Variants in SPEF2 observed in about 807,000 individuals in gnomAD.
SPEF2 encodes the protein sperm flagellar and cilia associated 2.
A neutral mutation model predicts 224.6 loss-of-function variants in SPEF2; 187 were observed. The observed-to-expected ratio is 0.83, with a 90% CI of 0.74 to 0.94. SPEF2 has a LOEUF of 0.94. SPEF2 is among the 40% of genes least tolerant of loss of function. The pLI is 0.00. For missense variants in SPEF2, 2,170 were observed against 2,135.6 expected (o/e 1.02, Z -0.32); for synonymous variants, 715 against 707.3 (o/e 1.01, Z -0.17).
At chr5:35,679,087 A>G (rs1752414966) in intron 10 of SPEF2, among the ~76,000 whole-genome samples, 1 of 152,206 alleles carries the variant, frequency 6.6e-6, no homozygotes, top group South Asian at 2.1e-4. Context: ...CTACTTTCCC[A>G]TGGAGTATGG....
intron 2 of SPEF2, among the ~76,000 whole-genome samples, chr5:35,633,969 C>T (rs1745481268): frequency 6.6e-6 from 1 of 152,060 alleles, no homozygotes; most frequent in Non-Finnish European, 1.5e-5. Flanking sequence ...CTACCAATTA[C>T]ATCTTAAGCC....
At chr5:35,675,390 A>C (rs1043366430) in intron 10 of SPEF2, among the ~76,000 whole-genome samples, 1 of 152,240 alleles carries the variant, frequency 6.6e-6, no homozygotes, top group Admixed American at 6.5e-5. Flanking sequence ...TTAGTTTTTA[A>C]GAGTGTGCCA....
intron 30 of SPEF2, among the ~76,000 whole-genome samples, chr5:35,782,966 A>G (rs1002995726): frequency 7.9e-5 from 12 of 152,224 alleles, no homozygotes; most frequent in Non-Finnish European, 1.0e-4. Flanking sequence ...ATCAAATTAG[A>G]TCATGCAAAA....
intron 30 of SPEF2, among the ~76,000 whole-genome samples, chr5:35,784,552 CT>C (rs1286270273): frequency 6.6e-6 from 1 of 152,196 alleles, no homozygotes; most frequent in Non-Finnish European, 1.5e-5. Flanking sequence ...GCAGAACTAG[CT>C]ATTGCTGCCT....
intron 24 of SPEF2, among the ~76,000 whole-genome samples, chr5:35,755,364 A>G (rs1459066178): frequency 6.6e-6 from 1 of 152,220 alleles, no homozygotes; most frequent in Non-Finnish European, 1.5e-5. Context: ...GAAAACCAAT[A>G]ATGAAGGCAT....
At position 35,806,906 on chromosome 5, in the gene SPEF2, C is replaced by T. The variant is rs140040730; in HGVS notation, c.5210C>T (p.Ser1737Phe). 1.4e-5 allele frequency: 23 copies of T among 1,612,496 alleles called. No individual in the cohort carries two copies. The East Asian group carries it at 3.8e-4, about 27-fold the overall frequency. The change falls in exon 35 of 37, where the codon TCC (serine) becomes TTC (phenylalanine). Residue 1737 changes from serine (S) to phenylalanine (F), a missense_variant. Coordinates refer to ENST00000356031, the MANE Select transcript of SPEF2 (RefSeq NM_024867.4). ...AAAGGGGGAAGTGAAGCACAGGACT[C>T]CAATAGATTTGCCAGCCACCTAAAG... ...VFKGGSEAQD[S>F]NRFASHLKIE...
At position 35,681,902 on chromosome 5, in the gene SPEF2, G is replaced by A. The variant is rs187492410; in HGVS notation, c.1525-9135G>A. 3.3e-5 allele frequency among the ~76,000 whole-genome samples: 5 copies of A among 152,296 alleles called. No individual in the cohort carries two copies. In the East Asian group the frequency reaches 9.7e-4, roughly 29 times the overall value. On this transcript the variant is annotated intron_variant, in intron 10 of 36. Coordinates refer to ENST00000356031, the MANE Select transcript of SPEF2 (RefSeq NM_024867.4). Reference sequence around the variant, plus strand: ...ACAGGGGTTCAGACCAATAAAAATGGACACATCTGGTGAAAAGGACTTCCT... The same window carrying A: ...ACAGGGGTTCAGACCAATAAAAATGAACACATCTGGTGAAAAGGACTTCCT...
At chr5:35,764,877 T>A (rs781246917) in intron 26 of SPEF2, 3 of 365,888 alleles carry the variant, frequency 8.2e-6, no homozygotes, top group Non-Finnish European at 1.6e-5. Context: ...CTCCTCTCAT[T>A]GTTTCTGCTT....
intron 2 of SPEF2, among the ~76,000 whole-genome samples, chr5:35,635,296 A>G (rs745740922): frequency 2.1e-4 from 32 of 151,878 alleles, no homozygotes; most frequent in Non-Finnish European, 4.0e-4. Flanking sequence ...TATAACTTCT[A>G]TTTCTGTATT....
Position 35,659,530 on chromosome 5 carries a change from C to T in SPEF2, c.1167+323C>T, listed in dbSNP as rs118167953. Among the ~76,000 whole-genome samples the T allele has an allele frequency of 5.0e-3, 759 of 152,230 alleles. 17 individuals are homozygous for T. The highest frequency in any genetic ancestry group is 0.048 in the East Asian group (250 of 5,168). On this transcript the variant is annotated intron_variant, in intron 8 of 36. Coordinates refer to ENST00000356031, the MANE Select transcript of SPEF2 (RefSeq NM_024867.4). ...TCTCCAATAGGTTTCTCATGAAGGGCTCATGGAAACCATATTCCCTGAGTT... is the reference window on the plus strand; with the variant it reads ...TCTCCAATAGGTTTCTCATGAAGGGTTCATGGAAACCATATTCCCTGAGTT...
intron 17 of SPEF2, 81 bp from the exon 18 acceptor site, chr5:35,705,570 G>C: frequency 1.0e-6 from 1 of 972,438 alleles, no homozygotes; most frequent in South Asian, 2.0e-5. Flanking sequence ...TTTTCATTAC[G>C]CATGTCGGAT....
At chr5:35,805,203 TTCTC>T (rs1757910268) in intron 34 of SPEF2, among the ~76,000 whole-genome samples, 1 of 152,304 alleles carries the variant, frequency 6.6e-6, no homozygotes, top group South Asian at 2.1e-4. Flanking sequence ...CTGTCTTTTT[TTCTC>T]TCTTTCTTTT....
At chr5:35,762,714 A>G (rs1264859289) in intron 25 of SPEF2, among the ~76,000 whole-genome samples, 1 of 152,100 alleles carries the variant, frequency 6.6e-6, no homozygotes, top group East Asian at 1.9e-4. Flanking sequence ...TTCTATTACT[A>G]AAGGGGGATT....
intron 19 of SPEF2, chr5:35,710,098 A>T (rs1740791489): frequency 1.0e-6 from 1 of 985,238 alleles, no homozygotes; most frequent in Non-Finnish European, 1.2e-6. Context: ...TTAGAAATTA[A>T]CTACAGGCAA....
At position 35,644,349 on chromosome 5, in the gene SPEF2, A is replaced by T; in HGVS notation, c.415-6A>T. On this transcript the variant is annotated splice_region_variant and splice_polypyrimidine_tract_variant and intron_variant, in intron 3 of 36. Transcript: ENST00000356031. ...TAAAATCTTTTGAAATGCTTTTTTC[A>T]TTTAGAGACTTAGACACATGATACC... The T allele has an allele frequency of 6.7e-7, 1 of 1,496,994 alleles. No homozygotes were observed. The highest frequency in any genetic ancestry group is 1.4e-5 in the South Asian group (1 of 71,300). The allele number at this position is 1,496,994 out of a possible 1,614,324, so 92.7% of individuals were successfully genotyped here.
chr5:35,659,000 A>T lies in SPEF2; in HGVS notation c.979-19A>T. On this transcript the variant is annotated intron_variant, in intron 7 of 36. Coordinates refer to ENST00000356031, the MANE Select transcript of SPEF2 (RefSeq NM_024867.4). ...AATTTGGACGTCACTTTAACAAATA[A>T]TTCCCCTGGTGTTTTCAGGAGGCTT... The T allele has an allele frequency of 6.7e-7, 1 of 1,498,212 alleles. No individual in the cohort carries two copies. The highest frequency in any genetic ancestry group is 8.9e-7 in the Non-Finnish European group (1 of 1,117,926). The allele number at this position is 1,498,212 out of a possible 1,614,324, so 92.8% of individuals were successfully genotyped here. A position where few individuals can be genotyped will look rare whatever the true frequency, so the allele number is the denominator to read the frequency against.
chr5:35,699,651 T>A (rs1196538148), intron 15 of SPEF2: 1 of 152,200 alleles, frequency 6.6e-6, no homozygotes, highest in African/African-American at 2.4e-5. Context: ...CTAAGCTCTG[T>A]GCTGCGTTTT....
At chr5:35,766,233 C>A (rs771388587) in intron 26 of SPEF2, among the ~76,000 whole-genome samples, 1 of 152,034 alleles carries the variant, frequency 6.6e-6, no homozygotes, top group Non-Finnish European at 1.5e-5. Flanking sequence ...TGTTTGGTAG[C>A]ATTCACTAAG....
chr5:35,789,090 C>A, intron 30 of SPEF2: 2 of 689,084 alleles, frequency 2.9e-6, no homozygotes, highest in Admixed American at 4.2e-5. Flanking sequence ...AAAATACTTT[C>A]CTTGAGCTCC....
Sources: allele counts gnomAD v4.1 joint callset (sites outside exome capture counted in the v4.1 genomes callset), GRCh38; gene constraint gnomAD v4.1.1; transcripts MANE v1.5; gene names NCBI Gene and HGNC (gene_info 2026-07-23, HGNC 2026-07-21).